The following STAC variants were observed in gnomAD, a reference collection of about 807,000 sequenced individuals.
The protein encoded by STAC is SH3 and cysteine rich domain.
In STAC, 43 loss-of-function variants were observed where a neutral mutation model predicts 48.8. The ratio of observed to expected loss-of-function variants is 0.88; its 90% CI spans 0.69 to 1.14. The LOEUF (loss-of-function observed/expected upper bound fraction) is 1.14. STAC is among the 50% of genes most tolerant of loss of function. The probability of loss-of-function intolerance (pLI) is 0.00; values close to 1 mark genes in which losing one functional copy is unlikely to be tolerated. For synonymous variants in STAC, 193 were observed against 179.5 expected (o/e 1.07, Z -0.60); for missense variants, 497 against 504.0 (o/e 0.99, Z 0.13).
intron 6 of STAC, among the ~76,000 whole-genome samples, chr3:36,497,093 C>A (rs1297304103): frequency 6.6e-6 from 1 of 151,648 alleles, no homozygotes; most frequent in African/African-American, 2.4e-5. Context: ...AATTCAATAT[C>A]TCAAATTTTA....
At chr3:36,508,555 A>G (rs1162579171) in intron 8 of STAC, among the ~76,000 whole-genome samples, 1 of 152,152 alleles carries the variant, frequency 6.6e-6, no homozygotes, top group Non-Finnish European at 1.5e-5. Flanking sequence ...ATGGGAGTCT[A>G]AGTCTCTCTG....
At chr3:36,390,119 A>G (rs1164486458) in intron 1 of STAC, among the ~76,000 whole-genome samples, 2 of 152,170 alleles carry the variant, frequency 1.3e-5, no homozygotes, top group Non-Finnish European at 2.9e-5. Context: ...ATTGTACAGT[A>G]TTGGTGCTGA....
intron 5 of STAC, among the ~76,000 whole-genome samples, chr3:36,487,936 C>G (rs1697859826): frequency 6.6e-6 from 1 of 152,002 alleles, no homozygotes; most frequent in Admixed American, 6.5e-5. Flanking sequence ...AAAAATGGTG[C>G]TAAATGTGAT....
At chr3:36,398,320 C>CAAGCAAGAAAGA (rs1699898474) in intron 1 of STAC, among the ~76,000 whole-genome samples, 11 of 82,242 alleles carry the variant, frequency 1.3e-4, no homozygotes, top group South Asian at 3.9e-4. Context: ...AGAAAGAAAG[C>CAAGCAAGAAAGA]AAGAAAGAAA....
At chr3:36,525,109 C>T (rs965759079) in intron 8 of STAC, among the ~76,000 whole-genome samples, 1 of 152,098 alleles carries the variant, frequency 6.6e-6, no homozygotes, top group Non-Finnish European at 1.5e-5. Context: ...ATCTTTCTCA[C>T]TATACTATTA....
chr3:36,490,246 G>A (rs1046033218), intron 5 of STAC, among the ~76,000 whole-genome samples: 7 of 152,072 alleles, frequency 4.6e-5, no homozygotes, highest in South Asian at 2.1e-4. Context: ...CTAACCCCAC[G>A]TACCACGTTG....
chr3:36,530,906 T>C (rs892725573), intron 10 of STAC, among the ~76,000 whole-genome samples: 1 of 152,112 alleles, frequency 6.6e-6, no homozygotes, highest in Non-Finnish European at 1.5e-5. Context: ...CCAATTTACC[T>C]TTTCTTTATG....
intron 6 of STAC, among the ~76,000 whole-genome samples, chr3:36,502,498 C>T (rs1283648517): frequency 6.6e-6 from 1 of 152,062 alleles, no homozygotes; most frequent in African/African-American, 2.4e-5. Context: ...CATTTTGAGC[C>T]AGATGGCCAG....
At chr3:36,534,200 T>C (rs183119130) in intron 10 of STAC, among the ~76,000 whole-genome samples, 31 of 152,326 alleles carry the variant, frequency 2.0e-4, no homozygotes, top group African/African-American at 7.2e-4. Context: ...AAGTAGCCTC[T>C]GAATGTCAAC....
At chr3:36,507,232 G>C (rs554304987) in intron 8 of STAC, among the ~76,000 whole-genome samples, 55 of 152,258 alleles carry the variant, frequency 3.6e-4, no homozygotes, top group African/African-American at 1.3e-3. Context: ...TTATTGATTT[G>C]TGTATATTGA....
At chr3:36,534,195 G>A (rs1480721625) in intron 10 of STAC, among the ~76,000 whole-genome samples, 1 of 152,136 alleles carries the variant, frequency 6.6e-6, no homozygotes, top group South Asian at 2.1e-4. Context: ...TGACAAAGTA[G>A]CCTCTGAATG....
intron 8 of STAC, among the ~76,000 whole-genome samples, chr3:36,511,264 G>T (rs1698531278): frequency 6.6e-6 from 1 of 152,070 alleles, no homozygotes; most frequent in Non-Finnish European, 1.5e-5. Flanking sequence ...GAATAATAAT[G>T]ATCTCTTCCC....
chr3:36,505,589 A>G (rs1444657680), intron 7 of STAC, among the ~76,000 whole-genome samples, 157 bp from the exon 8 acceptor site: 1 of 152,202 alleles, frequency 6.6e-6, no homozygotes, highest in Non-Finnish European at 1.5e-5. Context: ...AAATAAATGC[A>G]AAGTTGACAG....
chr3:36,420,284 T>C (rs1302019353), intron 1 of STAC, among the ~76,000 whole-genome samples: 1 of 152,226 alleles, frequency 6.6e-6, no homozygotes, highest in Non-Finnish European at 1.5e-5. Flanking sequence ...GTGTAACTGA[T>C]ACCATTGCTG....
At chr3:36,516,133 G>A (rs1698668365) in intron 8 of STAC, among the ~76,000 whole-genome samples, 1 of 151,652 alleles carries the variant, frequency 6.6e-6, no homozygotes, top group Admixed American at 6.6e-5. Context: ...ACAGGCACCT[G>A]CCACCACGCC....
intron 2 of STAC, among the ~76,000 whole-genome samples, chr3:36,448,663 G>T (rs555724851): frequency 1.3e-3 from 200 of 152,302 alleles, no homozygotes; most frequent in Non-Finnish European, 2.4e-3. Context: ...TCTTCAAATA[G>T]TTGAAAAGAT....
At chr3:36,413,834 A>C (rs187628020) in intron 1 of STAC, among the ~76,000 whole-genome samples, 188 of 152,204 alleles carry the variant, frequency 1.2e-3, no homozygotes, top group African/African-American at 4.1e-3. Flanking sequence ...TTCCATGTTT[A>C]ATGCTTCCTT....
At chr3:36,523,369 T>C in intron 8 of STAC, among the ~76,000 whole-genome samples, 1 of 152,250 alleles carries the variant, frequency 6.6e-6, no homozygotes, top group South Asian at 2.1e-4. Context: ...AGGAAACTGA[T>C]GCTTGAATTG....
chr3:36,478,392 T>A (rs1575227234), intron 2 of STAC, among the ~76,000 whole-genome samples: 1 of 152,230 alleles, frequency 6.6e-6, no homozygotes, highest in East Asian at 1.9e-4. Context: ...CTTTTTTACT[T>A]CCTAAACATT....
Sources: allele counts gnomAD v4.1 joint callset (sites outside exome capture counted in the v4.1 genomes callset), GRCh38; gene constraint gnomAD v4.1.1; transcripts MANE v1.5; gene names NCBI Gene and HGNC (gene_info 2026-07-23, HGNC 2026-07-21).